Variants in ARHGAP39 observed in about 807,000 individuals in gnomAD.
ARHGAP39 encodes the protein Rho GTPase activating protein 39.
In ARHGAP39, 44 loss-of-function variants were observed where a neutral mutation model predicts 106.9. That is an observed-to-expected ratio of 0.41 (90% CI 0.32 to 0.53). ARHGAP39 has a LOEUF of 0.53. Ranked by LOEUF, ARHGAP39 falls within the 20% of genes least tolerant of loss-of-function variation. The probability of loss-of-function intolerance (pLI) is 0.21; values close to 1 mark genes in which losing one functional copy is unlikely to be tolerated. For missense variants in ARHGAP39, 1,496 were observed against 1,577.3 expected (o/e 0.95, Z 0.87); for synonymous variants, 768 against 693.2 (o/e 1.11, Z -1.69).
At chr8:144,672,985 A>G (rs1822137196) in intron 1 of ARHGAP39, among the ~76,000 whole-genome samples, 1 of 152,110 alleles carries the variant, frequency 6.6e-6, no homozygotes, top group Non-Finnish European at 1.5e-5. Context: ...GGGAGGCAGA[A>G]GCGGGAGGAT....
At chr8:144,635,258 G>C (rs565633681) in intron 1 of ARHGAP39, among the ~76,000 whole-genome samples, 5 of 152,244 alleles carry the variant, frequency 3.3e-5, no homozygotes, top group Admixed American at 2.6e-4. Context: ...CTCCCCATGG[G>C]GGGAGGCGAA....
chr8:144,533,704 A>T (rs1196916174), intron 8 of ARHGAP39, among the ~76,000 whole-genome samples: 1 of 152,214 alleles, frequency 6.6e-6, no homozygotes, highest in Non-Finnish European at 1.5e-5. Flanking sequence ...GTTGGGGAGC[A>T]CAGCAGAGGC....
chr8:144,627,847 C>A (rs1358881787), intron 1 of ARHGAP39, among the ~76,000 whole-genome samples: 1 of 152,242 alleles, frequency 6.6e-6, no homozygotes, highest in African/African-American at 2.4e-5. Flanking sequence ...GCACCCTGGA[C>A]CCCTTGCCCT....
chr8:144,631,843 T>G (rs1338634520), intron 1 of ARHGAP39, among the ~76,000 whole-genome samples: 1 of 152,228 alleles, frequency 6.6e-6, no homozygotes, highest in Non-Finnish European at 1.5e-5. Context: ...AGAAAGGGCC[T>G]CCACACCGGG....
At chr8:144,583,345 C>T (rs1289877683) in intron 2 of ARHGAP39, among the ~76,000 whole-genome samples, 2 of 152,210 alleles carry the variant, frequency 1.3e-5, no homozygotes, top group East Asian at 1.9e-4. Context: ...CCAGATTCAC[C>T]GCGTGTCACC....
chr8:144,610,151 G>A (rs1244561320), intron 1 of ARHGAP39, among the ~76,000 whole-genome samples: 1 of 152,128 alleles, frequency 6.6e-6, no homozygotes, highest in Admixed American at 6.5e-5. Context: ...CTTCTTAAGA[G>A]CAACAGACTC....
In ARHGAP39 at chr8:144,646,425, G is replaced by A. The variant is rs1193294386; in HGVS notation, c.-82+39261C>T. Among the ~76,000 whole-genome samples the A allele has an allele frequency of 6.6e-6, 1 of 152,126 alleles. No individual in the cohort carries two copies. Among genetic ancestry groups the A allele is most frequent in the African/African-American group, 2.4e-5 (1 of 41,416 alleles). On this transcript the variant is annotated intron_variant, in intron 1 of 11. Transcript: ENST00000377307. The surrounding 1 kb of genome is among the most constrained non-coding windows in gnomAD (Gnocchi z 5.7). Reference sequence around the variant, plus strand: ...TCTGTTTGTTTTTAATCCTGTGAAAGTATCGATAGCCAAAAAACTAAATTT... The same window carrying A: ...TCTGTTTGTTTTTAATCCTGTGAAAATATCGATAGCCAAAAAACTAAATTT...
At position 144,644,587 on chromosome 8, in the gene ARHGAP39, C is replaced by T. The variant is rs1310548463; in HGVS notation, c.-81-38892G>A. Among the ~76,000 whole-genome samples, 3 of 152,228 alleles carry T rather than the reference C, an allele frequency of 2.0e-5. No individual in the cohort carries two copies. Among genetic ancestry groups the T allele is most frequent in the African/African-American group, 4.8e-5 (2 of 41,458 alleles). On this transcript the variant is annotated intron_variant, in intron 1 of 11. Coordinates refer to ENST00000377307, the MANE Select transcript of ARHGAP39 (RefSeq NM_025251.3). The surrounding 1 kb of genome is among the most constrained non-coding windows in gnomAD (Gnocchi z 4.8). ...CTGCCAAATGCACGCCGGCTCGTGGCGGCACCCCTTCCGGCTTCCACCATG... is the reference window on the plus strand; with the variant it reads ...CTGCCAAATGCACGCCGGCTCGTGGTGGCACCCCTTCCGGCTTCCACCATG...
At chr8:144,623,610 G>A (rs141874777) in intron 1 of ARHGAP39, among the ~76,000 whole-genome samples, 112 of 152,362 alleles carry the variant, frequency 7.4e-4, no homozygotes, top group African/African-American at 2.1e-3. Flanking sequence ...GGAGGCACCC[G>A]ACGTCTGCAG....
At chr8:144,581,428 C>T in intron 2 of ARHGAP39, 151 bp from the exon 3 acceptor site, 2 of 944,030 alleles carry the variant, frequency 2.1e-6, no homozygotes, top group Middle Eastern at 3.4e-4. Flanking sequence ...CCCCTGACTG[C>T]TGTGCTCCTG....
intron 2 of ARHGAP39, among the ~76,000 whole-genome samples, chr8:144,605,012 G>C (rs1820229503): frequency 6.6e-6 from 1 of 152,166 alleles, no homozygotes. Flanking sequence ...CTGTGATCCT[G>C]GCACTTTGGG....
At chr8:144,598,678 CA>C (rs1563696055) in intron 2 of ARHGAP39, among the ~76,000 whole-genome samples, 2 of 152,214 alleles carry the variant, frequency 1.3e-5, no homozygotes, top group South Asian at 4.1e-4. Flanking sequence ...AAGGCAAAAA[CA>C]AAAGTATGTC....
chr8:144,649,060 G>A (rs1821512168), intron 1 of ARHGAP39, among the ~76,000 whole-genome samples: 2 of 152,262 alleles, frequency 1.3e-5, no homozygotes, highest in South Asian at 4.1e-4. Flanking sequence ...TCAATGAGCA[G>A]GAGTTGGCTT....
At chr8:144,561,959 C>A (rs200981576) in intron 3 of ARHGAP39, among the ~76,000 whole-genome samples, 2 of 151,162 alleles carry the variant, frequency 1.3e-5, no homozygotes, top group Non-Finnish European at 2.9e-5. Context: ...TGGTTTCCAT[C>A]GGACTCCAGT....
At chr8:144,627,364 A>G (rs1563714891) in intron 1 of ARHGAP39, among the ~76,000 whole-genome samples, 1 of 152,166 alleles carries the variant, frequency 6.6e-6, no homozygotes. Flanking sequence ...CATCCTGGCT[A>G]ACACGGTGAA....
rs774809694 is a variant in ARHGAP39, at chr8:144,545,320, G to A, written c.2450C>T (p.Pro817Leu). The change falls in exon 6 of 12, where the codon CCC (proline) becomes CTC (leucine). Residue 817 changes from proline to leucine, a missense_variant. Around this residue, in one of 4 missense-constraint regions of ARHGAP39, gnomAD observed 470 missense variants for 605.1 expected, o/e 0.78. Transcript: ENST00000377307. ...CAGGTAGGAGTGGAACTTGGGGGTG[G>A]GCGGGAAAAAGGCCAGGCAGATGGC... Reference protein sequence around the residue: ...LMAICLAFFPPTPKFHSYLEG... With the variant: ...LMAICLAFFPLTPKFHSYLEG... 6.3e-7 allele frequency: 1 copy of A among 1,594,388 alleles called. No individual in the cohort carries two copies. Among genetic ancestry groups the A allele is most frequent in the Non-Finnish European group, 8.6e-7 (1 of 1,166,568 alleles).
chr8:144,691,812 C>T, the ARHGAP39 span, among the ~76,000 whole-genome samples: 1 of 151,908 alleles, frequency 6.6e-6, no homozygotes, highest in African/African-American at 2.4e-5. Flanking sequence ...AGTAAACTTT[C>T]ATCTCAGACT....
intron 3 of ARHGAP39, among the ~76,000 whole-genome samples, chr8:144,575,064 G>A (rs761053068): frequency 2.6e-5 from 4 of 152,188 alleles, no homozygotes; most frequent in Non-Finnish European, 4.4e-5. Flanking sequence ...ACAATGGTGA[G>A]TATTTGTGTG....
At chr8:144,551,565 C>G (rs117861542) in intron 4 of ARHGAP39, among the ~76,000 whole-genome samples, 1 of 152,190 alleles carries the variant, frequency 6.6e-6, no homozygotes, top group Non-Finnish European at 1.5e-5. Context: ...GTGAGGACCA[C>G]GCCCCACGGC....
Sources: allele counts gnomAD v4.1 joint callset (sites outside exome capture counted in the v4.1 genomes callset), GRCh38; gene constraint gnomAD v4.1.1; regional missense constraint gnomAD v4.1.1; non-coding constraint Gnocchi (gnomAD v3.1); transcripts MANE v1.5; gene names NCBI Gene and HGNC (gene_info 2026-07-23, HGNC 2026-07-21).